Variants in UBE3A observed in about 807,000 individuals in gnomAD.
UBE3A encodes ubiquitin protein ligase E3A, also known as ubiquitin-protein ligase E3A.
UBE3A carries 6 observed loss-of-function variants against 83.4 expected under a neutral mutation model. The observed-to-expected ratio is 0.07, with a 90% CI of 0.04 to 0.14. UBE3A has a LOEUF of 0.14. Among genes scored for constraint, UBE3A ranks in the 10% least tolerant of loss-of-function variants. UBE3A has a pLI of 1.00. For missense variants in UBE3A, 456 were observed against 1,036.1 expected, an observed-to-expected ratio of 0.44 and a Z score of 7.69; for synonymous variants, 337 against 355.4, an observed-to-expected ratio of 0.95 and a Z score of 0.58.
intron 11 of UBE3A, among the ~76,000 whole-genome samples, chr15:25,353,157 T>C (rs1011142510): frequency 3.9e-5 from 6 of 152,166 alleles, no homozygotes; most frequent in Non-Finnish European, 5.9e-5. Flanking sequence ...ATCCCAACCC[T>C]TTAATGAATC....
chr15:25,425,981 TCTC>T (rs1265344677), intron 1 of UBE3A, among the ~76,000 whole-genome samples: 2 of 152,196 alleles, frequency 1.3e-5, no homozygotes, highest in Non-Finnish European at 2.9e-5. Context: ...AGTACTGTAA[TCTC>T]CTTCTAATGT....
rs8030988 is a variant in UBE3A, at chr15:25,405,573, T to C, written c.21-71A>G. ...CAAAAAAAAAGGTAGACATATTACT[T>C]AGGAAGACAATTTTGTAAACAAGAT... is the stretch of plus-strand genomic sequence containing the variant. On this transcript the variant is annotated intron_variant, in intron 3 of 12. Coordinates refer to ENST00000648336, the MANE Select transcript of UBE3A (RefSeq NM_130839.5). The C allele has an allele frequency of 5.5e-4, 828 of 1,492,592 alleles. 2 individuals carry two copies. The African/African-American group carries it at 0.01, about 19-fold the overall frequency. 92.5% of individuals were successfully genotyped at this position (1,492,592 alleles called of 1,614,324 possible). A position where few individuals can be genotyped will look rare whatever the true frequency, so the allele number is the denominator to read the frequency against.
chr15:25,437,270 T>C (rs1402066219), intron 1 of UBE3A, among the ~76,000 whole-genome samples: 1 of 152,210 alleles, frequency 6.6e-6, no homozygotes, highest in Non-Finnish European at 1.5e-5. Flanking sequence ...TTATCTCTCC[T>C]AAATTCTAAA....
At chr15:25,382,477 TCA>T (rs2082353161) in intron 4 of UBE3A, among the ~76,000 whole-genome samples, 1 of 151,934 alleles carries the variant, frequency 6.6e-6, no homozygotes, top group Non-Finnish European at 1.5e-5. Flanking sequence ...GTGTCATATT[TCA>T]CAGTTAGAAA....
chr15:25,343,224 A>C (rs972028376), intron 11 of UBE3A, among the ~76,000 whole-genome samples: 1 of 152,206 alleles, frequency 6.6e-6, no homozygotes, highest in African/African-American at 2.4e-5. Context: ...TCGGAAGTCT[A>C]AATAAAGTTA....
At chr15:25,407,145 T>C (rs1162769947) in intron 3 of UBE3A, 15 of 1,349,860 alleles carry the variant, frequency 1.1e-5, no homozygotes, top group Middle Eastern at 2.1e-4. Flanking sequence ...GAGCTAAAAA[T>C]TGATGATAAC....
intron 2 of UBE3A, among the ~76,000 whole-genome samples, chr15:25,409,859 G>A (rs983426372): frequency 5.3e-5 from 8 of 152,122 alleles, no homozygotes; most frequent in African/African-American, 1.9e-4. Flanking sequence ...TAAACACAAA[G>A]TCTAGTCCCA....
In UBE3A at chr15:25,356,650, A is replaced by AAAATTT. The variant is rs1566897674; in HGVS notation, c.1959+40_1959+41insAAATTT. On this transcript the variant is annotated intron_variant, in intron 8 of 12. Coordinates refer to ENST00000648336, the MANE Select transcript of UBE3A (RefSeq NM_130839.5). ...TAAATTAAATTTTTGCATTTAAATA[A>AAAATTT]AATCTAAGAGACTGAATTAAAAAAA... The AAAATTT allele has an allele frequency of 1.9e-6, 3 of 1,581,294 alleles. No homozygotes were observed. In the Admixed American group the frequency reaches 5.2e-5, roughly 28 times the overall value.
chr15:25,344,858 A>T (rs972967747), intron 11 of UBE3A, among the ~76,000 whole-genome samples: 7 of 152,140 alleles, frequency 4.6e-5, no homozygotes, highest in Non-Finnish European at 2.9e-5. Context: ...CCCCAATGAG[A>T]TAACAGATTA....
intron 4 of UBE3A, among the ~76,000 whole-genome samples, chr15:25,404,861 C>T (rs574880904): frequency 8.5e-5 from 13 of 152,236 alleles, no homozygotes; most frequent in Non-Finnish European, 1.2e-4. Context: ...TGGAATAAGC[C>T]GCTCATGCTT....
chr15:25,432,975 T>C (rs1893909635), intron 1 of UBE3A, among the ~76,000 whole-genome samples: 1 of 152,188 alleles, frequency 6.6e-6, no homozygotes, highest in South Asian at 2.1e-4. Flanking sequence ...CCCCTAAAAA[T>C]ATCTTTTCCT....
Position 25,338,091 on chromosome 15 carries a change from G to A in UBE3A, c.*1046C>T, listed in dbSNP as rs747399995. 2.0e-5 allele frequency: 3 copies of A among 152,040 alleles called. No individual in the cohort carries two copies. Among genetic ancestry groups the A allele is most frequent in the South Asian group, 2.1e-4 (1 of 4,824 alleles). 9.4% of individuals were successfully genotyped at this position (152,040 alleles called of 1,614,324 possible). A position where few individuals can be genotyped will look rare whatever the true frequency, so the allele number is the denominator to read the frequency against. On this transcript the variant is annotated 3_prime_UTR_variant, in exon 13 of 13. Transcript: ENST00000648336. ...TGTTGCAACACTGATCACGTGCCTC[G>A]ATAAAATGGCTGATTCAACAAGATG...
chr15:25,364,161 C>T (rs937754502), intron 6 of UBE3A, among the ~76,000 whole-genome samples: 3 of 152,054 alleles, frequency 2.0e-5, no homozygotes, highest in East Asian at 1.9e-4. Context: ...CAGTAGAGAT[C>T]GTGCCACTGT....
intron 4 of UBE3A, among the ~76,000 whole-genome samples, chr15:25,394,255 A>G (rs1420453563): frequency 1.3e-5 from 2 of 152,214 alleles, no homozygotes; most frequent in Non-Finnish European, 2.9e-5. Context: ...GAGTCTCAAC[A>G]GAGATTTTTC....
chr15:25,355,802 C>G, intron 9 of UBE3A, 90 bp downstream of exon 9: 1 of 1,235,168 alleles, frequency 8.1e-7, no homozygotes, highest in East Asian at 2.5e-5. Flanking sequence ...TTTGTACAGA[C>G]TATATTAGAT....
At chr15:25,420,601 T>C (rs1410096451) in intron 1 of UBE3A, 1 of 152,104 alleles carries the variant, frequency 6.6e-6, no homozygotes, top group Non-Finnish European at 1.5e-5. Flanking sequence ...AAGACCATAA[T>C]GACTTTTTAC....
intron 2 of UBE3A, among the ~76,000 whole-genome samples, chr15:25,410,124 C>A (rs990318827): frequency 3.3e-5 from 5 of 150,114 alleles, no homozygotes; most frequent in African/African-American, 1.3e-4. Context: ...GCACATGTAC[C>A]CTAAAACTTA....
intron 1 of UBE3A, among the ~76,000 whole-genome samples, chr15:25,430,914 C>A (rs951364650): frequency 2.0e-5 from 3 of 152,136 alleles, no homozygotes; most frequent in Non-Finnish European, 4.4e-5. Context: ...GTGGGAAGGA[C>A]TTATCCCATA....
intron 1 of UBE3A, among the ~76,000 whole-genome samples, chr15:25,431,786 G>T (rs764436450): frequency 6.6e-6 from 1 of 152,136 alleles, no homozygotes; most frequent in Non-Finnish European, 1.5e-5. Flanking sequence ...ATGCACAAAA[G>T]ATTTTTTCAA....
Sources: allele counts gnomAD v4.1 joint callset (sites outside exome capture counted in the v4.1 genomes callset), GRCh38; gene constraint gnomAD v4.1.1; transcripts MANE v1.5; gene names NCBI Gene and HGNC (gene_info 2026-07-23, HGNC 2026-07-21).